Variants in RNF216 observed in about 807,000 individuals in gnomAD.
RNF216 encodes E3 ubiquitin-protein ligase RNF216.
A neutral mutation model predicts 110.8 loss-of-function variants in RNF216; 72 were observed. The ratio of observed to expected loss-of-function variants is 0.65; its 90% CI spans 0.54 to 0.79. RNF216 has a LOEUF of 0.79. Among genes scored for constraint, RNF216 ranks in the 30% least tolerant of loss-of-function variants. The probability of loss-of-function intolerance (pLI) is 0.00; values close to 1 mark genes in which losing one functional copy is unlikely to be tolerated. For missense variants in RNF216, 1,342 were observed against 1,141.2 expected (o/e 1.18, Z -2.54); for synonymous variants, 495 against 407.5 (o/e 1.21, Z -2.59).
chr7:5,672,530 G>A (rs1366461798), intron 13 of RNF216, among the ~76,000 whole-genome samples: 2 of 152,146 alleles, frequency 1.3e-5, no homozygotes, highest in African/African-American at 2.4e-5. Context: ...AACAGGAGAT[G>A]GACTTTGAAT....
chr7:5,695,162 T>A (rs34282205), intron 13 of RNF216, among the ~76,000 whole-genome samples: 6,835 of 152,298 alleles, frequency 0.045, 222 homozygotes, highest in Non-Finnish European at 0.071. Context: ...CGGTTCTTCA[T>A]CTGTACAACA....
intron 14 of RNF216, among the ~76,000 whole-genome samples, chr7:5,652,010 AT>A (rs1474251336): frequency 6.6e-6 from 1 of 152,220 alleles, no homozygotes; most frequent in African/African-American, 2.4e-5. Flanking sequence ...AGTAATGGTT[AT>A]TATTATCACA....
intron 3 of RNF216, among the ~76,000 whole-genome samples, chr7:5,744,940 C>T (rs181674019): frequency 2.2e-4 from 33 of 151,900 alleles, no homozygotes; most frequent in African/African-American, 8.0e-4. Flanking sequence ...CCATTGCACT[C>T]CAGCCTGGGT....
chr7:5,779,693 G>A (rs1045684669), intron 1 of RNF216, among the ~76,000 whole-genome samples: 10 of 150,892 alleles, frequency 6.6e-5, no homozygotes, highest in Non-Finnish European at 1.5e-4. Flanking sequence ...GCCGAGCGTG[G>A]TGGTGCGCGC....
intron 3 of RNF216, among the ~76,000 whole-genome samples, chr7:5,742,556 T>C (rs1258768453): frequency 1.4e-5 from 2 of 145,816 alleles, no homozygotes; most frequent in East Asian, 4.2e-4. Context: ...AATTAGATAA[T>C]ACCAAGCATT....
At chr7:5,775,762 G>A (rs961071420) in intron 1 of RNF216, among the ~76,000 whole-genome samples, 6 of 151,902 alleles carry the variant, frequency 3.9e-5, no homozygotes, top group African/African-American at 1.2e-4. Context: ...CCAGCTACTC[G>A]GGAGGCTGAG....
chr7:5,711,461 T>A (rs147713718), intron 13 of RNF216, among the ~76,000 whole-genome samples: 6 of 152,302 alleles, frequency 3.9e-5, no homozygotes, highest in South Asian at 4.1e-4. Flanking sequence ...AAGAAAAATG[T>A]TGACACAGTG....
intron 9 of RNF216, among the ~76,000 whole-genome samples, chr7:5,720,251 G>C (rs1458698765): frequency 6.6e-6 from 1 of 152,132 alleles, no homozygotes; most frequent in Non-Finnish European, 1.5e-5. Flanking sequence ...CCCTGAGACA[G>C]CAAAACCAAC....
At chr7:5,712,642 C>T in intron 12 of RNF216, 73 bp downstream of exon 12, 2 of 1,438,078 alleles carry the variant, frequency 1.4e-6, no homozygotes, top group Non-Finnish European at 1.9e-6. Flanking sequence ...TTTTCATCAT[C>T]TGATGCAAGT....
At chr7:5,750,737 G>A (rs1242119505) in intron 3 of RNF216, among the ~76,000 whole-genome samples, 2 of 152,210 alleles carry the variant, frequency 1.3e-5, no homozygotes, top group African/African-American at 4.8e-5. Context: ...CCTCATAAAT[G>A]TGAGACTCTT....
At chr7:5,628,884 T>G (rs545056380) in intron 15 of RNF216, among the ~76,000 whole-genome samples, 2 of 152,076 alleles carry the variant, frequency 1.3e-5, no homozygotes, top group African/African-American at 2.4e-5. Flanking sequence ...TCTGAAGCAT[T>G]TGAAATTCCT....
intron 1 of RNF216, among the ~76,000 whole-genome samples, chr7:5,780,700 G>C (rs1288354122): frequency 6.6e-6 from 1 of 151,678 alleles, no homozygotes; most frequent in African/African-American, 2.4e-5. Flanking sequence ...GCAAGACTCC[G>C]TCTCAAAGAA....
At chr7:5,767,303 C>T (rs1796255544) in intron 1 of RNF216, among the ~76,000 whole-genome samples, 2 of 152,140 alleles carry the variant, frequency 1.3e-5, no homozygotes, top group South Asian at 2.1e-4. Context: ...CTCCTGAAGG[C>T]ATATGCCAAA....
chr7:5,748,613 C>CACACACAT (rs1466025007), intron 3 of RNF216, among the ~76,000 whole-genome samples: 1 of 2,638 alleles, frequency 3.8e-4, no homozygotes, highest in African/African-American at 7.6e-4. Flanking sequence ...TATATACATA[C>CACACACAT]ACACACACAC....
At chr7:5,722,995 G>C (rs1793530577) in intron 8 of RNF216, among the ~76,000 whole-genome samples, 1 of 152,126 alleles carries the variant, frequency 6.6e-6, no homozygotes, top group South Asian at 2.1e-4. Context: ...GGTATTATGA[G>C]AATAGAAAAG....
intron 8 of RNF216, among the ~76,000 whole-genome samples, chr7:5,721,743 T>G (rs529697498): frequency 6.6e-6 from 1 of 152,350 alleles, no homozygotes; most frequent in African/African-American, 2.4e-5. Flanking sequence ...GGTGCAAATG[T>G]GCTGTATGAT....
intron 1 of RNF216, among the ~76,000 whole-genome samples, chr7:5,775,583 A>G (rs529184047): frequency 6.6e-6 from 1 of 152,222 alleles, no homozygotes; most frequent in Non-Finnish European, 1.5e-5. Context: ...AAAGTGGGCA[A>G]AGCAGGCCAG....
chr7:5,705,830 C>G (rs1792244880), intron 13 of RNF216, among the ~76,000 whole-genome samples: 1 of 151,776 alleles, frequency 6.6e-6, no homozygotes, highest in Non-Finnish European at 1.5e-5. Context: ...TTGCTTGAAC[C>G]TGGGAGGCGG....
chr7:5,667,943 G>GAA (rs2128591892), intron 13 of RNF216, among the ~76,000 whole-genome samples: 1 of 152,356 alleles, frequency 6.6e-6, no homozygotes, highest in African/African-American at 2.4e-5. Flanking sequence ...TCATTCAGCA[G>GAA]AAGTGCTGGT....
Sources: allele counts gnomAD v4.1 joint callset (sites outside exome capture counted in the v4.1 genomes callset), GRCh38; gene constraint gnomAD v4.1.1; transcripts MANE v1.5; gene names NCBI Gene and HGNC (gene_info 2026-07-23, HGNC 2026-07-21).